The following GAS7 variants were observed in gnomAD, a reference collection of about 807,000 sequenced individuals.
GAS7 encodes growth arrest specific 7, also known as growth arrest-specific protein 7.
Under a neutral mutation model 71.1 loss-of-function variants are expected in GAS7, and 28 were observed. The ratio of observed to expected loss-of-function variants is 0.39; its 90% CI spans 0.29 to 0.54. The LOEUF (loss-of-function observed/expected upper bound fraction) is 0.54. GAS7 is among the 20% of genes least tolerant of loss of function. The pLI, the probability that GAS7 is intolerant of heterozygous loss-of-function variation, is 0.62. For missense variants in GAS7, 436 were observed against 627.8 expected, an observed-to-expected ratio of 0.69 and a Z score of 3.27; for synonymous variants, 258 against 245.8, an observed-to-expected ratio of 1.05 and a Z score of -0.46.
chr17:10,138,548 G>C (rs954697209), intron 1 of GAS7, among the ~76,000 whole-genome samples: 5 of 151,832 alleles, frequency 3.3e-5, no homozygotes, highest in African/African-American at 4.8e-5. Context: ...GCAGATCATG[G>C]GGTCAGGAGT....
chr17:9,988,643 C>T lies in GAS7; in HGVS notation c.305-6759G>A, dbSNP rs911155937. Among the ~76,000 whole-genome samples, 6 of 151,982 alleles carry T rather than the reference C, an allele frequency of 3.9e-5. No individual in the cohort carries two copies. The South Asian group carries it at 8.3e-4, about 21-fold the overall frequency. On this transcript the variant is annotated intron_variant, in intron 2 of 13. Transcript: ENST00000432992. ...CGGAGGTTGTGGTGAGCAGAGATCG[C>T]GTCGTTGCACTCCAGCCTGGGTGAC...
intron 1 of GAS7, among the ~76,000 whole-genome samples, chr17:10,064,061 A>G (rs1050825814): frequency 6.6e-6 from 1 of 152,196 alleles, no homozygotes. Flanking sequence ...ACGTGCCAAC[A>G]GAAGTTCAAA....
rs188915108 is a variant in GAS7 at position 9,989,085 on chromosome 17, A to G, written c.305-7201T>C. ...AGGATGGTCTCGATCTCCTGACCTC[A>G]TGATCCGTCTGTCTCAGCCTCCCAA... On this transcript the variant is annotated intron_variant, in intron 2 of 13. Coordinates refer to ENST00000432992, the MANE Select transcript of GAS7 (RefSeq NM_201433.2). 7.9e-4 allele frequency among the ~76,000 whole-genome samples: 120 copies of G among 152,022 alleles called. 2 individuals are homozygous for G. In the East Asian group the frequency reaches 0.021, roughly 26 times the overall value.
At chr17:9,957,622 C>A (rs1442644215) in intron 5 of GAS7, among the ~76,000 whole-genome samples, 1 of 147,902 alleles carries the variant, frequency 6.8e-6, no homozygotes, top group Non-Finnish European at 1.5e-5. Context: ...TCAGAAGACT[C>A]TGGAGAGCTC....
At chr17:9,961,244 C>G (rs898428744) in intron 4 of GAS7, among the ~76,000 whole-genome samples, 6 of 152,178 alleles carry the variant, frequency 3.9e-5, no homozygotes, top group Non-Finnish European at 7.3e-5. Flanking sequence ...TGCATCATCT[C>G]ATCCAGCTGG....
At position 9,972,558 on chromosome 17, in the gene GAS7, T is replaced by C. The variant is rs561220754; in HGVS notation, c.386-2796A>G. ...CGAATAATTTAATTTAAAAGGCTGA[T>C]TGAAATAGATGTAGTAAACATCATA... On this transcript the variant is annotated intron_variant, in intron 3 of 13. Coordinates refer to ENST00000432992, the MANE Select transcript of GAS7 (RefSeq NM_201433.2). Among the ~76,000 whole-genome samples the C allele has an allele frequency of 2.6e-5, 4 of 152,324 alleles. No homozygotes were observed. In the South Asian group the frequency reaches 6.2e-4, roughly 24 times the overall value.
chr17:10,188,620 A>G (rs1730198125), intron 1 of GAS7, among the ~76,000 whole-genome samples: 1 of 151,998 alleles, frequency 6.6e-6, no homozygotes. Context: ...AGGACTTTTT[A>G]TATGGTTTTG....
intron 1 of GAS7, among the ~76,000 whole-genome samples, chr17:10,121,196 C>T (rs896532925): frequency 2.6e-5 from 4 of 152,146 alleles, no homozygotes; most frequent in Admixed American, 1.3e-4. Context: ...GCCTGGCCAA[C>T]ATGGTGAAAC....
intron 1 of GAS7, among the ~76,000 whole-genome samples, chr17:10,059,091 A>G (rs2073187482): frequency 6.6e-6 from 1 of 152,236 alleles, no homozygotes; most frequent in Non-Finnish European, 1.5e-5. Flanking sequence ...GGCATGCATG[A>G]GTAAGTCAGA....
chr17:9,944,505 GAT>G (rs2068719685), intron 6 of GAS7, among the ~76,000 whole-genome samples: 1 of 152,168 alleles, frequency 6.6e-6, no homozygotes, highest in Non-Finnish European at 1.5e-5. Context: ...ATCCCATCCA[GAT>G]CAGACATTTT....
At chr17:9,938,457 C>A (rs1215620462) in intron 8 of GAS7, among the ~76,000 whole-genome samples, 1 of 126,992 alleles carries the variant, frequency 7.9e-6, no homozygotes, top group Non-Finnish European at 1.6e-5. Flanking sequence ...GGCGACAGAG[C>A]GAGACTCTGT....
intron 1 of GAS7, among the ~76,000 whole-genome samples, chr17:10,130,692 T>C (rs1243789128): frequency 1.3e-5 from 2 of 152,188 alleles, no homozygotes; most frequent in African/African-American, 4.8e-5. Context: ...GAAGTCCTAA[T>C]ACATGCTACA....
At chr17:10,012,840 C>T (rs1375338490) in intron 2 of GAS7, among the ~76,000 whole-genome samples, 1 of 151,960 alleles carries the variant, frequency 6.6e-6, no homozygotes, top group East Asian at 1.9e-4. Context: ...CGGTGGCTCA[C>T]GCCTGTAATC....
chr17:10,161,947 T>C (rs1244471344), intron 1 of GAS7, among the ~76,000 whole-genome samples: 1 of 151,730 alleles, frequency 6.6e-6, no homozygotes, highest in Non-Finnish European at 1.5e-5. Context: ...GGCGCCTGTA[T>C]TTCCAGCTAC....
intron 2 of GAS7, among the ~76,000 whole-genome samples, chr17:10,016,133 G>A (rs937318016): frequency 1.3e-5 from 2 of 149,830 alleles, no homozygotes; most frequent in Non-Finnish European, 3.0e-5. Context: ...CGCCTGTAAT[G>A]CCAGTACTTT....
chr17:9,985,246 C>T (rs370264311), intron 2 of GAS7, among the ~76,000 whole-genome samples: 11 of 152,146 alleles, frequency 7.2e-5, no homozygotes, highest in Admixed American at 1.3e-4. Flanking sequence ...CAGCTTTCGC[C>T]GGAGGTCACT....
chr17:9,989,529 A>G (rs1039845094), intron 2 of GAS7, among the ~76,000 whole-genome samples: 1 of 152,154 alleles, frequency 6.6e-6, no homozygotes, highest in African/African-American at 2.4e-5. Context: ...GTATGTGTAT[A>G]AAATTTTCCA....
intron 1 of GAS7, among the ~76,000 whole-genome samples, chr17:10,086,217 A>C (rs929378959): frequency 6.6e-6 from 1 of 152,146 alleles, no homozygotes; most frequent in Non-Finnish European, 1.5e-5. Context: ...AGATGAATAC[A>C]TGTTCGTGTT....
intron 1 of GAS7, among the ~76,000 whole-genome samples, chr17:10,161,888 C>A (rs1174182382): frequency 6.6e-6 from 1 of 151,904 alleles, no homozygotes; most frequent in African/African-American, 2.4e-5. Context: ...CGCGGTGAAA[C>A]CCCGTCTCTA....
Sources: allele counts gnomAD v4.1 joint callset (sites outside exome capture counted in the v4.1 genomes callset), GRCh38; gene constraint gnomAD v4.1.1; transcripts MANE v1.5; gene names NCBI Gene and HGNC (gene_info 2026-07-23, HGNC 2026-07-21).